GAB1: variants seen among roughly 807,000 people sequenced by gnomAD.
GAB1 encodes GRB2-associated-binding protein 1.
In GAB1, 19 loss-of-function variants were observed where a neutral mutation model predicts 66.5. The observed-to-expected ratio is 0.29, with a 90% CI of 0.20 to 0.42. The LOEUF is 0.42. Among genes scored for constraint, GAB1 ranks in the 10% least tolerant of loss-of-function variants. The probability of loss-of-function intolerance (pLI) is 1.00; values close to 1 mark genes in which losing one functional copy is unlikely to be tolerated. For missense variants in GAB1, 732 were observed against 858.5 expected (o/e 0.85, Z 1.84); for synonymous variants, 294 against 301.4 (o/e 0.98, Z 0.25).
chr4:143,470,723 A>G lies in GAB1; in HGVS notation c.*1534A>G, dbSNP rs1181541881. 6.6e-6 allele frequency: 1 copy of G among 152,012 alleles called. No homozygotes were observed. The highest frequency in any genetic ancestry group is 1.5e-5 in the Non-Finnish European group (1 of 68,014). 9.4% of individuals were successfully genotyped at this position (152,012 alleles called of 1,614,324 possible). ...AAGGAGTGCCCACAGTTGAGGCATG[A>G]CCCCCTCCATTCAGACCTCTAACTG... is the stretch of plus-strand genomic sequence containing the variant. On this transcript the variant is annotated 3_prime_UTR_variant, in exon 10 of 10. Coordinates refer to ENST00000262994, the MANE Select transcript of GAB1 (RefSeq NM_002039.4).
At chr4:143,465,834 A>C (rs1362983991) in intron 8 of GAB1, among the ~76,000 whole-genome samples, 2 of 152,220 alleles carry the variant, frequency 1.3e-5, no homozygotes, top group African/African-American at 4.8e-5. Flanking sequence ...ATAATGTTCA[A>C]GTTGGGCTAT....
intron 1 of GAB1, among the ~76,000 whole-genome samples, chr4:143,400,932 G>C (rs373180743): frequency 2.4e-4 from 35 of 147,474 alleles, no homozygotes; most frequent in African/African-American, 7.8e-4. Context: ...TCACACCACT[G>C]TACTCCAGCC....
intron 8 of GAB1, 133 bp from the exon 9 acceptor site, chr4:143,465,970 C>T: frequency 2.3e-6 from 2 of 880,300 alleles, no homozygotes; most frequent in Non-Finnish European, 3.5e-6. Context: ...TTCTTTCTAT[C>T]CTAAAAGGTT....
chr4:143,400,269 T>A (rs1350643715), intron 1 of GAB1, among the ~76,000 whole-genome samples: 1 of 152,056 alleles, frequency 6.6e-6, no homozygotes, highest in Non-Finnish European at 1.5e-5. Context: ...GTCAGGCACA[T>A]GTCCAAGTTT....
At chr4:143,424,265 G>A (rs1733207651) in intron 2 of GAB1, among the ~76,000 whole-genome samples, 1 of 152,114 alleles carries the variant, frequency 6.6e-6, no homozygotes. Context: ...ATTTTACCAT[G>A]CCTGTACTGT....
chr4:143,350,028 G>A (rs1729136803), intron 1 of GAB1: 1 of 1,557,110 alleles, frequency 6.4e-7, no homozygotes. Context: ...GGATGCCACT[G>A]CCGAAACCTC....
At position 143,468,957 on chromosome 4, in the gene GAB1, G is replaced by A. The variant is rs962044610; in HGVS notation, c.1927-74G>A. The A allele has an allele frequency of 5.5e-6, 8 of 1,452,282 alleles. No individual in the cohort carries two copies. The African/African-American group carries it at 1.1e-4, about 21-fold the overall frequency. The allele number at this position is 1,452,282 out of a possible 1,614,324, so 90.0% of individuals were successfully genotyped here. A position where few individuals can be genotyped will look rare whatever the true frequency, so the allele number is the denominator to read the frequency against. Reference sequence around the variant, plus strand: ...AAAGTATTCACAGTGGATGTGTTTTGTGTTTTAAGACTGAGTTGTACTCAG... The same window carrying A: ...AAAGTATTCACAGTGGATGTGTTTTATGTTTTAAGACTGAGTTGTACTCAG... On this transcript the variant is annotated intron_variant, in intron 9 of 9. Coordinates refer to ENST00000262994, the MANE Select transcript of GAB1 (RefSeq NM_002039.4).
rs764405092 is a variant in GAB1 at position 143,468,997 on chromosome 4, A to C, written c.1927-34A>C. 3.1e-6 allele frequency: 5 copies of C among 1,610,070 alleles called. No individual in the cohort carries two copies. In the Admixed American group the frequency reaches 6.7e-5, roughly 22 times the overall value. On this transcript the variant is annotated intron_variant, in intron 9 of 9. Transcript: ENST00000262994. ...GTTGTACTCAGGAACACTCCTTTAT[A>C]TGTTGGACTTTTTGTTTTTTCTTTG...
At chr4:143,446,364 G>A (rs1210221918) in intron 6 of GAB1, among the ~76,000 whole-genome samples, 5 of 152,268 alleles carry the variant, frequency 3.3e-5, no homozygotes, top group Non-Finnish European at 7.3e-5. Context: ...CTGAGGAATC[G>A]CCACACTGAT....
At chr4:143,355,152 A>T (rs1241850215) in intron 1 of GAB1, among the ~76,000 whole-genome samples, 1 of 152,158 alleles carries the variant, frequency 6.6e-6, no homozygotes, top group Non-Finnish European at 1.5e-5. Context: ...GAAGAAAAAC[A>T]TTTTTTACTC....
intron 9 of GAB1, among the ~76,000 whole-genome samples, chr4:143,468,208 C>CTT (rs780138131): frequency 0.023 from 1,585 of 70,022 alleles, 29 homozygotes; most frequent in African/African-American, 0.049. Context: ...AGTTTGAATT[C>CTT]TTTTTTTTTT....
intron 1 of GAB1, among the ~76,000 whole-genome samples, chr4:143,371,143 G>A (rs1730105520): frequency 6.6e-6 from 1 of 152,032 alleles, no homozygotes; most frequent in Admixed American, 6.5e-5. Context: ...CACAATGGTT[G>A]AACTAGTTTA....
At chr4:143,344,378 A>G (rs1220376126) in intron 1 of GAB1, among the ~76,000 whole-genome samples, 1 of 152,116 alleles carries the variant, frequency 6.6e-6, no homozygotes, top group Non-Finnish European at 1.5e-5. Flanking sequence ...AATTTCCACC[A>G]AGTTAGAGCT....
intron 1 of GAB1, among the ~76,000 whole-genome samples, chr4:143,362,071 T>G (rs1029953362): frequency 1.3e-5 from 2 of 152,058 alleles, no homozygotes; most frequent in African/African-American, 4.8e-5. Flanking sequence ...TAGTGTTAAT[T>G]GTTAATGATT....
At chr4:143,384,577 A>G (rs900371668) in intron 1 of GAB1, among the ~76,000 whole-genome samples, 1 of 152,208 alleles carries the variant, frequency 6.6e-6, no homozygotes, top group African/African-American at 2.4e-5. Context: ...CAAGCTCCCA[A>G]CAGAGACAAA....
rs1206678795 is a variant in GAB1 at position 143,438,395 on chromosome 4, G to C, written c.990G>C (p.Gln330His). Residue 330 changes from glutamine (Q) to histidine (H), a missense_variant, in exon 4 of 10, where the codon CAG becomes CAC. Around this residue, in one of 4 missense-constraint regions of GAB1, gnomAD observed 427 missense variants for 420.6 expected, o/e 1.02. Coordinates refer to ENST00000262994, the MANE Select transcript of GAB1 (RefSeq NM_002039.4). ...CATTTCCAGAAGGAACCTTGGGACAGACATCAAAGCTAGACACTATTCCAG... is the reference window on the plus strand; with the variant it reads ...CATTTCCAGAAGGAACCTTGGGACACACATCAAAGCTAGACACTATTCCAG... ...PRTFPEGTLGQTSKLDTIPDI... is the reference protein window; with the variant it reads ...PRTFPEGTLGHTSKLDTIPDI... 6.2e-7 allele frequency: 1 copy of C among 1,614,010 alleles called. No homozygotes were observed. The highest frequency in any genetic ancestry group is 1.7e-5 in the Admixed American group (1 of 59,988).
At chr4:143,412,926 TA>T (rs920200898) in intron 1 of GAB1, among the ~76,000 whole-genome samples, 27 of 152,256 alleles carry the variant, frequency 1.8e-4, no homozygotes, top group Middle Eastern at 3.4e-3. Context: ...ATTAATAGTA[TA>T]GGGGCAAATG....
At chr4:143,433,796 T>C (rs561998043) in intron 3 of GAB1, 80 bp downstream of exon 3, 141 of 1,188,426 alleles carry the variant, frequency 1.2e-4, no homozygotes, top group Admixed American at 1.8e-4. Flanking sequence ...CCTTTAAACT[T>C]TTTAAATTTC....
At chr4:143,347,039 T>G (rs972795127) in intron 1 of GAB1, among the ~76,000 whole-genome samples, 3 of 152,242 alleles carry the variant, frequency 2.0e-5, no homozygotes, top group African/African-American at 7.2e-5. Context: ...TTCTAGTTGA[T>G]TTTCATAGTG....
Sources: allele counts gnomAD v4.1 joint callset (sites outside exome capture counted in the v4.1 genomes callset), GRCh38; gene constraint gnomAD v4.1.1; regional missense constraint gnomAD v4.1.1; transcripts MANE v1.5; gene names NCBI Gene and HGNC (gene_info 2026-07-23, HGNC 2026-07-21).